The following LMBR1 variants were observed in gnomAD, a reference collection of about 807,000 sequenced individuals.
LMBR1 encodes limb development membrane protein 1.
LMBR1 carries 52 observed loss-of-function variants against 73.9 expected under a neutral mutation model. The ratio of observed to expected loss-of-function variants is 0.70; its 90% CI spans 0.56 to 0.89. LMBR1 has a LOEUF of 0.89. Ranked by LOEUF, LMBR1 falls within the 40% of genes least tolerant of loss-of-function variation. The pLI is 0.00. For missense variants in LMBR1, 539 were observed against 579.8 expected (o/e 0.93, Z 0.72); for synonymous variants, 215 against 209.4 (o/e 1.03, Z -0.23).
At chr7:156,842,585 T>G (rs1838914631) in intron 1 of LMBR1, among the ~76,000 whole-genome samples, 1 of 152,190 alleles carries the variant, frequency 6.6e-6, no homozygotes, top group Admixed American at 6.5e-5. Context: ...GCCCTTTCTC[T>G]TCCTCAAGGG....
At chr7:156,892,697 G>A (rs1803304722) in intron 1 of LMBR1, 1 of 324,388 alleles carries the variant, frequency 3.1e-6, no homozygotes, top group Non-Finnish European at 5.4e-6. Context: ...CAAGAGCGGA[G>A]CGGGGGGGCA....
chr7:156,786,712 T>G (rs1828175554), intron 5 of LMBR1, among the ~76,000 whole-genome samples: 1 of 152,162 alleles, frequency 6.6e-6, no homozygotes, highest in African/African-American at 2.4e-5. Flanking sequence ...GGCCTGCTTA[T>G]ATAATGTTTG....
intron 1 of LMBR1, among the ~76,000 whole-genome samples, chr7:156,876,427 A>G (rs1032659662): frequency 2.6e-5 from 4 of 152,212 alleles, no homozygotes; most frequent in Non-Finnish European, 4.4e-5. Flanking sequence ...CAGAAAGTCA[A>G]CAAAGAAACA....
At chr7:156,697,097 G>A (rs943211711) in intron 15 of LMBR1, among the ~76,000 whole-genome samples, 11 of 152,210 alleles carry the variant, frequency 7.2e-5, no homozygotes. Context: ...TGGGCCGCCA[G>A]GGGTGACATC....
intron 15 of LMBR1, among the ~76,000 whole-genome samples, chr7:156,693,956 T>A (rs1221488342): frequency 6.6e-6 from 1 of 152,168 alleles, no homozygotes; most frequent in East Asian, 1.9e-4. Context: ...CCTAGCCAAA[T>A]GGGGCCAATT....
chr7:156,802,922 T>C (rs922454071), intron 4 of LMBR1, among the ~76,000 whole-genome samples: 32 of 152,140 alleles, frequency 2.1e-4, no homozygotes, highest in African/African-American at 6.8e-4. Flanking sequence ...ATTTAATAAA[T>C]GGTGCTGGGA....
intron 15 of LMBR1, among the ~76,000 whole-genome samples, chr7:156,712,382 GA>G (rs1157977378): frequency 6.6e-6 from 1 of 152,122 alleles, no homozygotes; most frequent in African/African-American, 2.4e-5. Context: ...AGAGGATGCA[GA>G]AAAAAGGGAA....
chr7:156,743,169 G>A (rs769628008), intron 9 of LMBR1, among the ~76,000 whole-genome samples: 6 of 152,054 alleles, frequency 3.9e-5, no homozygotes, highest in East Asian at 1.9e-4. Context: ...ACTCTACTTC[G>A]TCTGGTGGTG....
At chr7:156,778,994 T>C (rs1563339111) in intron 5 of LMBR1, among the ~76,000 whole-genome samples, 1 of 152,184 alleles carries the variant, frequency 6.6e-6, no homozygotes, top group Non-Finnish European at 1.5e-5. Context: ...TCAGAATAAC[T>C]TATTAAAATG....
At chr7:156,859,501 G>C (rs1014107874) in intron 1 of LMBR1, among the ~76,000 whole-genome samples, 1 of 151,732 alleles carries the variant, frequency 6.6e-6, no homozygotes, top group African/African-American at 2.4e-5. Context: ...AAGGATGCAG[G>C]ATAAAAAGTT....
At chr7:156,721,463 G>T (rs1814559724) in intron 15 of LMBR1, among the ~76,000 whole-genome samples, 1 of 151,960 alleles carries the variant, frequency 6.6e-6, no homozygotes, top group Non-Finnish European at 1.5e-5. Flanking sequence ...TAATTAGTTT[G>T]ATCTTGTTCT....
rs1363580624 is a variant in LMBR1 at position 156,688,038 on chromosome 7, T to C, written c.1379A>G (p.Lys460Arg). 2 of 1,602,908 alleles carry C rather than the reference T, an allele frequency of 1.2e-6. No homozygotes were observed. The highest frequency in any genetic ancestry group is 2.2e-5 in the East Asian group (1 of 44,516). ...ATAAACCTCAGGATTACCTAGGGCCTTGAAAAGTTCTTCTCGAACTGCAGA... is the reference window on the plus strand; with the variant it reads ...ATAAACCTCAGGATTACCTAGGGCCCTGAAAAGTTCTTCTCGAACTGCAGA... ...FTSAVREELFKALGLHKLHLP... is the reference protein window; with the variant it reads ...FTSAVREELFRALGLHKLHLP... Residue 460 changes from lysine to arginine, a missense_variant, in exon 16 of 17, where the codon AAG (lysine) becomes AGG (arginine). By Grantham distance (26) the Lys-to-Arg change is conservative. This residue lies in a region of LMBR1 where 69 missense variants were observed against 68.5 expected (regional missense o/e 1.01). Transcript: ENST00000353442.
intron 9 of LMBR1, among the ~76,000 whole-genome samples, chr7:156,749,862 T>C (rs1820516364): frequency 1.3e-5 from 2 of 152,106 alleles, no homozygotes; most frequent in Non-Finnish European, 2.9e-5. Flanking sequence ...CTAATTTTTG[T>C]ATTTTTAATA....
intron 15 of LMBR1, among the ~76,000 whole-genome samples, chr7:156,717,297 GGA>G (rs1813424882): frequency 6.6e-6 from 1 of 152,182 alleles, no homozygotes; most frequent in African/African-American, 2.4e-5. Context: ...GGGAAATACA[GGA>G]GAGAGAGAAA....
chr7:156,888,696 T>C (rs1443369174), intron 1 of LMBR1, among the ~76,000 whole-genome samples: 1 of 152,088 alleles, frequency 6.6e-6, no homozygotes, highest in Non-Finnish European at 1.5e-5. Flanking sequence ...GGTGGGTGCA[T>C]CACTTGAGGC....
At chr7:156,783,322 C>G (rs1290703488) in intron 5 of LMBR1, among the ~76,000 whole-genome samples, 1 of 151,906 alleles carries the variant, frequency 6.6e-6, no homozygotes, top group Admixed American at 6.6e-5. Flanking sequence ...CAGGCATGCA[C>G]CAACCAGGCT....
intron 2 of LMBR1, among the ~76,000 whole-genome samples, chr7:156,835,105 A>G (rs1837383452): frequency 6.6e-6 from 1 of 152,070 alleles, no homozygotes; most frequent in African/African-American, 2.4e-5. Context: ...ACGCCACTGC[A>G]CTCCAGCCTG....
chr7:156,888,646 G>A (rs1289298128), intron 1 of LMBR1, among the ~76,000 whole-genome samples: 1 of 151,984 alleles, frequency 6.6e-6, no homozygotes, highest in African/African-American at 2.4e-5. Context: ...GGCCAGGCAC[G>A]TTGGCTCCCG....
intron 4 of LMBR1, chr7:156,822,951 A>C (rs1339279545): frequency 1.3e-5 from 2 of 151,990 alleles, no homozygotes; most frequent in Non-Finnish European, 2.9e-5. Flanking sequence ...GTCTCTACTA[A>C]AAATATAAAA....
Sources: gnomAD v4.1 joint callset for allele counts (sites outside exome capture counted in the v4.1 genomes callset) on GRCh38, gnomAD v4.1.1 for gene constraint, gnomAD v4.1.1 regional missense constraint, MANE v1.5 for transcripts, NCBI Gene and HGNC (gene_info 2026-07-23, HGNC 2026-07-21) for gene names.